CNTNAP5: variants seen among roughly 807,000 people sequenced by gnomAD.
CNTNAP5 encodes the protein contactin associated protein family member 5, also known as contactin-associated protein-like 5.
In CNTNAP5, 72 loss-of-function variants were observed where a neutral mutation model predicts 150.2. That is an observed-to-expected ratio of 0.48 (90% confidence interval 0.40 to 0.58). CNTNAP5 has a LOEUF of 0.58. Ranked by LOEUF, CNTNAP5 falls within the 20% of genes least tolerant of loss-of-function variation. The pLI is 0.00. For synonymous variants in CNTNAP5, 672 were observed against 619.8 expected (o/e 1.08, Z -1.25); for missense variants, 1,636 against 1,626.2 (o/e 1.01, Z -0.10).
intron 11 of CNTNAP5, among the ~76,000 whole-genome samples, chr2:124,598,394 T>G (rs1252280926): frequency 8.7e-6 from 1 of 114,738 alleles, no homozygotes; most frequent in Non-Finnish European, 1.8e-5. Flanking sequence ...TCTGTTGGAA[T>G]ACCCTGCCGT....
intron 11 of CNTNAP5, among the ~76,000 whole-genome samples, chr2:124,597,632 T>C (rs2104968283): frequency 6.7e-6 from 1 of 150,086 alleles, no homozygotes; most frequent in Middle Eastern, 3.4e-3. Context: ...TTGGAGTTGC[T>C]CTTCTCGAGG....
At chr2:124,901,174 G>C (rs1406457979) in intron 21 of CNTNAP5, among the ~76,000 whole-genome samples, 1 of 151,452 alleles carries the variant, frequency 6.6e-6, no homozygotes, top group Non-Finnish European at 1.5e-5. Flanking sequence ...TATCATTTTT[G>C]GGAAAGTTCT....
rs200376095 is a variant in CNTNAP5, at chr2:124,515,552, G to A, written c.1328-8751G>A. ...ATTCAATCAATCAATCATTCATCAC[G>A]TTTTATATGCCCTGCACTGTGCTAG... On this transcript the variant is annotated intron_variant, in intron 8 of 23. Coordinates refer to ENST00000682447, the MANE Select transcript of CNTNAP5 (RefSeq NM_001367498.1). Among the ~76,000 whole-genome samples, 311 of 151,672 alleles carry A rather than the reference G, an allele frequency of 2.1e-3. 3 individuals carry two copies. The highest frequency in any genetic ancestry group is 5.1e-3 in the African/African-American group (209 of 41,364).
chr2:124,385,254 A>G (rs557189358), intron 3 of CNTNAP5, among the ~76,000 whole-genome samples: 3 of 152,332 alleles, frequency 2.0e-5, no homozygotes, highest in Non-Finnish European at 4.4e-5. Context: ...GCAGGCATTA[A>G]TGGGAGAGAA....
At chr2:124,635,626 T>G (rs897015165) in intron 12 of CNTNAP5, among the ~76,000 whole-genome samples, 3 of 152,136 alleles carry the variant, frequency 2.0e-5, no homozygotes, top group Non-Finnish European at 4.4e-5. Context: ...AAATAACAAA[T>G]GGGTGTCAAA....
intron 13 of CNTNAP5, among the ~76,000 whole-genome samples, chr2:124,733,061 A>G (rs917980736): frequency 1.2e-4 from 18 of 152,310 alleles, no homozygotes; most frequent in African/African-American, 3.8e-4. Context: ...TATTTAACAC[A>G]AAATTATTGA....
At chr2:124,462,807 A>G (rs1428122054) in intron 6 of CNTNAP5, among the ~76,000 whole-genome samples, 1 of 152,238 alleles carries the variant, frequency 6.6e-6, no homozygotes, top group African/African-American at 2.4e-5. Flanking sequence ...AAACGAATGA[A>G]TCAAATATGC....
intron 1 of CNTNAP5, among the ~76,000 whole-genome samples, chr2:124,033,915 C>T (rs1282465418): frequency 6.7e-6 from 1 of 149,188 alleles, no homozygotes; most frequent in Non-Finnish European, 1.5e-5. Context: ...AGACCTTTTC[C>T]AGAAAAAAAA....
intron 22 of CNTNAP5, among the ~76,000 whole-genome samples, chr2:124,907,086 A>G (rs1678553433): frequency 6.6e-6 from 1 of 152,230 alleles, no homozygotes; most frequent in East Asian, 1.9e-4. Context: ...AAAAATATGA[A>G]CAGAGTTTTG....
intron 12 of CNTNAP5, among the ~76,000 whole-genome samples, chr2:124,616,566 C>G (rs1677497547): frequency 6.6e-6 from 1 of 152,216 alleles, no homozygotes; most frequent in Non-Finnish European, 1.5e-5. Context: ...CACATGTTCA[C>G]TGAAGTAGCA....
chr2:124,420,953 A>G (rs1194278388), intron 4 of CNTNAP5, among the ~76,000 whole-genome samples: 1 of 152,240 alleles, frequency 6.6e-6, no homozygotes, highest in Non-Finnish European at 1.5e-5. Flanking sequence ...ATTTCCAAGA[A>G]GCCCAATTCA....
intron 1 of CNTNAP5, among the ~76,000 whole-genome samples, chr2:124,047,575 T>C (rs1490279056): frequency 3.9e-5 from 6 of 152,206 alleles, no homozygotes; most frequent in African/African-American, 1.4e-4. Context: ...CCCAATCAAG[T>C]AGTAAGGCTG....
At chr2:124,585,119 A>G (rs1696499420) in intron 11 of CNTNAP5, among the ~76,000 whole-genome samples, 1 of 152,180 alleles carries the variant, frequency 6.6e-6, no homozygotes, top group African/African-American at 2.4e-5. Context: ...TTAGCAAAGG[A>G]AAAGTTTCTG....
At chr2:124,675,709 G>GT (rs1678925694) in intron 13 of CNTNAP5, among the ~76,000 whole-genome samples, 1 of 152,066 alleles carries the variant, frequency 6.6e-6, no homozygotes, top group African/African-American at 2.4e-5. Context: ...ATACAGTTTA[G>GT]TATGTACTGC....
intron 3 of CNTNAP5, among the ~76,000 whole-genome samples, chr2:124,332,944 T>G (rs899966706): frequency 6.6e-5 from 10 of 152,186 alleles, no homozygotes; most frequent in African/African-American, 2.2e-4. Flanking sequence ...TTTTTTTATT[T>G]ATAAATGCTC....
chr2:124,735,985 C>T (rs1209552455), intron 13 of CNTNAP5, among the ~76,000 whole-genome samples: 16 of 152,156 alleles, frequency 1.1e-4, no homozygotes, highest in Admixed American at 1.0e-3. Flanking sequence ...AATCACAGCA[C>T]TTTGGGAGGC....
chr2:124,467,028 T>C (rs1316237637), intron 6 of CNTNAP5, among the ~76,000 whole-genome samples: 3 of 152,150 alleles, frequency 2.0e-5, no homozygotes, highest in African/African-American at 7.2e-5. Context: ...GAAAAACTAG[T>C]ACCTTTGAAA....
intron 4 of CNTNAP5, 60 bp downstream of exon 4, chr2:124,417,650 A>G (rs538178184): frequency 2.7e-6 from 4 of 1,456,640 alleles, no homozygotes; most frequent in Non-Finnish European, 2.8e-6. Context: ...CCTACGTAAC[A>G]TCAGTTTATC....
chr2:124,699,173 G>T (rs1013246304), intron 13 of CNTNAP5, among the ~76,000 whole-genome samples: 3 of 152,156 alleles, frequency 2.0e-5, no homozygotes, highest in African/African-American at 4.8e-5. Context: ...TTTCTGCCTT[G>T]CAATGCAAAT....
Sources: allele counts gnomAD v4.1 joint callset (sites outside exome capture counted in the v4.1 genomes callset), GRCh38; gene constraint gnomAD v4.1.1; transcripts MANE v1.5; gene names NCBI Gene and HGNC (gene_info 2026-07-23, HGNC 2026-07-21).